ERC1: variants seen among roughly 807,000 people sequenced by gnomAD.
ERC1 encodes ELKS/RAB6-interacting/CAST family member 1.
In ERC1, 56 loss-of-function variants were observed where a neutral mutation model predicts 132.0. The observed-to-expected ratio is 0.42, with a 90% CI of 0.34 to 0.53. The LOEUF (loss-of-function observed/expected upper bound fraction) is 0.53, where lower values mean the gene tolerates loss of function less well. Ranked by LOEUF, ERC1 falls within the 20% of genes least tolerant of loss-of-function variation. ERC1 has a pLI of 0.03. For synonymous variants in ERC1, 478 were observed against 476.1 expected, an observed-to-expected ratio of 1.00 and a Z score of -0.05; for missense variants, 1,202 against 1,349.9, an observed-to-expected ratio of 0.89 and a Z score of 1.72.
chr12:1,072,902 A>G (rs553136062), intron 2 of ERC1, among the ~76,000 whole-genome samples: 3 of 152,284 alleles, frequency 2.0e-5, no homozygotes, highest in Admixed American at 6.5e-5. Flanking sequence ...CATGTTGGCT[A>G]TGCTGGTCTC....
intron 12 of ERC1, among the ~76,000 whole-genome samples, chr12:1,227,598 A>G (rs952233917): frequency 6.6e-6 from 1 of 152,064 alleles, no homozygotes; most frequent in Admixed American, 6.6e-5. Flanking sequence ...CCATTCTTTA[A>G]GTTGTCTCTT....
chr12:1,440,199 CTTTTTTT>C lies in ERC1; in HGVS notation c.3025-4350_3025-4344del, dbSNP rs756177628. Among the ~76,000 whole-genome samples, 5 of 128,818 alleles carry C rather than the reference CTTTTTTT, an allele frequency of 3.9e-5. No homozygotes were observed. The East Asian group carries it at 8.5e-4, about 22-fold the overall frequency. The allele number at this position is 128,818 out of a possible 152,430, so 84.5% of individuals were successfully genotyped here. A position where few individuals can be genotyped will look rare whatever the true frequency, so the allele number is the denominator to read the frequency against. The stretch of plus-strand genomic sequence containing the variant: ...TCTTTTTTAAGTTTTCTTTCTTTCT[CTTTTTTT>C]TTTTTTTTTTTTCCTTGAGACAGAG... On this transcript the variant is annotated intron_variant, in intron 17 of 18. Coordinates refer to ENST00000360905, the MANE Select transcript of ERC1 (RefSeq NM_178040.4).
intron 2 of ERC1, among the ~76,000 whole-genome samples, chr12:1,064,913 T>C (rs1182049846): frequency 6.6e-6 from 1 of 152,254 alleles, no homozygotes; most frequent in Non-Finnish European, 1.5e-5. Context: ...AAAGTGCAAG[T>C]AGTTGTTCAC....
At chr12:996,818 T>C (rs1374690815) in intron 1 of ERC1, among the ~76,000 whole-genome samples, 2 of 152,254 alleles carry the variant, frequency 1.3e-5, no homozygotes, top group Non-Finnish European at 2.9e-5. Context: ...TTCTTGTTTT[T>C]TCTTTTTAGC....
chr12:1,117,217 TG>T (rs1946550143), intron 7 of ERC1, among the ~76,000 whole-genome samples: 1 of 151,896 alleles, frequency 6.6e-6, no homozygotes, highest in Non-Finnish European at 1.5e-5. Flanking sequence ...CATAATTTGG[TG>T]GAAAAAAGGA....
At chr12:1,452,271 C>T (rs1171165411) in intron 18 of ERC1, among the ~76,000 whole-genome samples, 3 of 151,990 alleles carry the variant, frequency 2.0e-5, no homozygotes, top group Non-Finnish European at 4.4e-5. Context: ...CTGTTGAGGT[C>T]TGCTATATTC....
At chr12:1,301,392 A>G (rs2080388295) in intron 15 of ERC1, among the ~76,000 whole-genome samples, 2 of 152,228 alleles carry the variant, frequency 1.3e-5, no homozygotes, top group South Asian at 4.1e-4. Flanking sequence ...ACTGTTCTCA[A>G]TAACAAAGAC....
chr12:1,308,835 T>C (rs543140582), intron 15 of ERC1, among the ~76,000 whole-genome samples: 2 of 152,292 alleles, frequency 1.3e-5, no homozygotes, highest in African/African-American at 4.8e-5. Flanking sequence ...GTCTGAATGG[T>C]TATGTCCCCC....
At chr12:1,121,058 C>T (rs1182048901) in intron 7 of ERC1, among the ~76,000 whole-genome samples, 1 of 152,168 alleles carries the variant, frequency 6.6e-6, no homozygotes, top group Non-Finnish European at 1.5e-5. Context: ...AATATCTAAC[C>T]TGAGTCTTGT....
chr12:1,448,874 GC>G (rs1258581326), intron 18 of ERC1, among the ~76,000 whole-genome samples: 1 of 152,230 alleles, frequency 6.6e-6, no homozygotes, highest in Non-Finnish European at 1.5e-5. Context: ...TTTGCACCTT[GC>G]GCCGGGAAAA....
intron 16 of ERC1, among the ~76,000 whole-genome samples, chr12:1,398,138 C>T (rs1040664676): frequency 9.9e-5 from 15 of 152,010 alleles, no homozygotes; most frequent in African/African-American, 3.1e-4. Context: ...CACATGCCAC[C>T]GTGTCTGGCT....
intron 14 of ERC1, among the ~76,000 whole-genome samples, chr12:1,264,917 C>T (rs1348535131): frequency 1.3e-5 from 2 of 151,964 alleles, no homozygotes; most frequent in East Asian, 3.9e-4. Context: ...CCAGGGAGTC[C>T]CTTCATAGCT....
At chr12:1,082,272 C>T (rs1371351214) in intron 2 of ERC1, among the ~76,000 whole-genome samples, 8 of 151,638 alleles carry the variant, frequency 5.3e-5, no homozygotes, top group Non-Finnish European at 8.8e-5. Flanking sequence ...GTGATGTGCC[C>T]GACTCGGCCT....
intron 16 of ERC1, chr12:1,379,981 G>C (rs1294176706): frequency 6.6e-6 from 1 of 152,172 alleles, no homozygotes; most frequent in Non-Finnish European, 1.5e-5. Flanking sequence ...GCAGTGAAAT[G>C]CTGCTCAGCA....
intron 7 of ERC1, among the ~76,000 whole-genome samples, chr12:1,138,359 G>T (rs1421503169): frequency 7.3e-6 from 1 of 137,162 alleles, no homozygotes; most frequent in Non-Finnish European, 1.5e-5. Context: ...TATAATATAT[G>T]TTATATGTAA....
At chr12:1,480,215 TAGAA>T (rs1365677562) in intron 18 of ERC1, among the ~76,000 whole-genome samples, 6 of 152,134 alleles carry the variant, frequency 3.9e-5, no homozygotes, top group Admixed American at 6.5e-5. Context: ...GCTTAAGTTA[TAGAA>T]AGGGCTGGCA....
chr12:1,182,047 C>T lies in ERC1; in HGVS notation c.1998C>T (p.Gly666=), dbSNP rs942312757. ...AGGAAAAAGTCAGCCTGTTGCAAGG[C>T]GACCTTTCAGAGAAAGAGGTTAAGC... is the stretch of plus-strand genomic sequence containing the variant. The part of the protein sequence containing the change: ...DLKEKVSLLQ[G]DLSEKEASLL... The change falls in exon 10 of 19, where the codon GGC becomes GGT. Residue 666 remains glycine, a synonymous_variant. Coordinates refer to ENST00000360905, the MANE Select transcript of ERC1 (RefSeq NM_178040.4). 1 of 1,613,524 alleles carries T rather than the reference C, an allele frequency of 6.2e-7. No homozygotes were observed. Among genetic ancestry groups the T allele is most frequent in the Non-Finnish European group, 8.5e-7 (1 of 1,179,798 alleles).
intron 18 of ERC1, among the ~76,000 whole-genome samples, chr12:1,486,165 T>C (rs956926974): frequency 6.6e-6 from 1 of 152,234 alleles, no homozygotes; most frequent in Admixed American, 6.5e-5. Context: ...AAATATTTTC[T>C]TGACTCTTCT....
At chr12:1,351,699 A>G (rs184225216) in intron 15 of ERC1, among the ~76,000 whole-genome samples, 47 of 152,224 alleles carry the variant, frequency 3.1e-4, no homozygotes, top group African/African-American at 1.1e-3. Flanking sequence ...AATTGATACA[A>G]CATAATTGTA....
Sources: gnomAD v4.1 joint callset for allele counts (sites outside exome capture counted in the v4.1 genomes callset) on GRCh38, gnomAD v4.1.1 for gene constraint, MANE v1.5 for transcripts, NCBI Gene and HGNC (gene_info 2026-07-23, HGNC 2026-07-21) for gene names.